The following FRMD4B variants were observed in gnomAD, a reference collection of about 807,000 sequenced individuals.
FRMD4B encodes FERM domain-containing protein 4B.
Under a neutral mutation model 141.5 loss-of-function variants are expected in FRMD4B, and 74 were observed. That is an observed-to-expected ratio of 0.52 (90% CI 0.43 to 0.63). The LOEUF is 0.63. FRMD4B is among the 30% of genes least tolerant of loss of function. The pLI is 0.00. For synonymous variants in FRMD4B, 506 were observed against 467.9 expected (o/e 1.08, Z -1.05); for missense variants, 1,366 against 1,253.4 (o/e 1.09, Z -1.36).
chr3:69,484,213 T>A (rs1706177147), intron 1 of FRMD4B, among the ~76,000 whole-genome samples: 1 of 152,184 alleles, frequency 6.6e-6, no homozygotes. Context: ...AACAGAAGAA[T>A]GATTTAACAG....
At chr3:69,382,096 G>C (rs1704132743) in intron 1 of FRMD4B, among the ~76,000 whole-genome samples, 2 of 152,172 alleles carry the variant, frequency 1.3e-5, no homozygotes, top group African/African-American at 4.8e-5. Context: ...TTGGAGTGCA[G>C]TGGTGTGATC....
intron 1 of FRMD4B, among the ~76,000 whole-genome samples, chr3:69,366,289 A>T (rs1286390313): frequency 6.6e-6 from 1 of 151,336 alleles, no homozygotes; most frequent in East Asian, 1.9e-4. Context: ...AAAAACAAAA[A>T]AAATTGACAA....
At chr3:69,358,606 T>C (rs1703389339) in intron 1 of FRMD4B, among the ~76,000 whole-genome samples, 1 of 152,076 alleles carries the variant, frequency 6.6e-6, no homozygotes, top group South Asian at 2.1e-4. Flanking sequence ...TGTGGTGGCA[T>C]GCGCCTATAG....
At chr3:69,399,648 T>C (rs1704527899) in intron 2 of FRMD4B, among the ~76,000 whole-genome samples, 1 of 152,256 alleles carries the variant, frequency 6.6e-6, no homozygotes, top group African/African-American at 2.4e-5. Flanking sequence ...TTTATATTTG[T>C]GGCTCTTTAA....
chr3:69,323,206 C>T (rs181608857), intron 1 of FRMD4B, among the ~76,000 whole-genome samples: 42 of 152,178 alleles, frequency 2.8e-4, no homozygotes, highest in Non-Finnish European at 5.3e-4. Context: ...AAGAGAAATG[C>T]TAACAAAGAT....
At chr3:69,241,909 A>C (rs942723470) in intron 7 of FRMD4B, among the ~76,000 whole-genome samples, 4 of 151,970 alleles carry the variant, frequency 2.6e-5, no homozygotes, top group South Asian at 2.1e-4. Context: ...AAAAACCCCC[A>C]AAAAACAAAA....
intron 4 of FRMD4B, among the ~76,000 whole-genome samples, chr3:69,291,545 A>C (rs1700875401): frequency 6.6e-6 from 1 of 152,130 alleles, no homozygotes; most frequent in Admixed American, 6.6e-5. Context: ...TGCTTGGGGG[A>C]CACTGGGACA....
intron 1 of FRMD4B, among the ~76,000 whole-genome samples, chr3:69,333,021 G>A (rs1017918938): frequency 2.6e-5 from 4 of 152,060 alleles, no homozygotes; most frequent in African/African-American, 7.2e-5. Flanking sequence ...TTTACAGTGG[G>A]AAGCCTTTCC....
intron 5 of FRMD4B, among the ~76,000 whole-genome samples, chr3:69,282,307 A>C (rs1393116337): frequency 6.6e-6 from 1 of 152,162 alleles, no homozygotes; most frequent in African/African-American, 2.4e-5. Context: ...AGAGGTGTCA[A>C]ACATCTCACT....
chr3:69,214,243 A>G (rs2093116748), intron 11 of FRMD4B, among the ~76,000 whole-genome samples: 1 of 152,212 alleles, frequency 6.6e-6, no homozygotes, highest in Admixed American at 6.5e-5. Context: ...GCTGTTTTAT[A>G]AAGAGATTGG....
chr3:69,366,969 G>C (rs1703682171), intron 1 of FRMD4B, among the ~76,000 whole-genome samples: 1 of 152,028 alleles, frequency 6.6e-6, no homozygotes, highest in Admixed American at 6.6e-5. Flanking sequence ...ATTTTGCCAT[G>C]TTGCCCAGGC....
intron 1 of FRMD4B, among the ~76,000 whole-genome samples, chr3:69,459,635 G>A (rs1705679043): frequency 6.6e-6 from 1 of 152,196 alleles, no homozygotes; most frequent in Admixed American, 6.5e-5. Context: ...TTCACCATTA[G>A]CCATGTGACC....
intron 2 of FRMD4B, among the ~76,000 whole-genome samples, chr3:69,428,545 G>T (rs916904642): frequency 4.6e-5 from 7 of 151,444 alleles, no homozygotes; most frequent in Admixed American, 3.3e-4. Flanking sequence ...TTGTACTTTT[G>T]TTTTAGATCC....
intron 1 of FRMD4B, among the ~76,000 whole-genome samples, chr3:69,496,234 T>C (rs535043908): frequency 7.2e-5 from 11 of 152,320 alleles, no homozygotes; most frequent in Non-Finnish European, 1.2e-4. Flanking sequence ...TTTATGCAAG[T>C]TATTGTGAAT....
chr3:69,348,996 A>C (rs974480778), intron 1 of FRMD4B, among the ~76,000 whole-genome samples: 2 of 152,228 alleles, frequency 1.3e-5, no homozygotes, highest in Non-Finnish European at 2.9e-5. Flanking sequence ...GGAGAAAGAA[A>C]TAAAGGTATT....
rs2093454108 is a variant in FRMD4B, at chr3:69,250,265, G to A, written c.502-166C>T. 3 of 653,428 alleles carry A rather than the reference G, an allele frequency of 4.6e-6. No individual in the cohort carries two copies. In the Admixed American group the frequency reaches 6.8e-5, roughly 15 times the overall value. 40.5% of individuals were successfully genotyped at this position (653,428 alleles called of 1,614,324 possible). On this transcript the variant is annotated intron_variant, in intron 5 of 22. Transcript: ENST00000398540. Reference sequence around the variant, plus strand: ...GGGGGGTGTGGAGAGACTCATTGAGGGTTAAGGCGAAACCACTGTGTGTGC... The same window carrying A: ...GGGGGGTGTGGAGAGACTCATTGAGAGTTAAGGCGAAACCACTGTGTGTGC...
intron 1 of FRMD4B, among the ~76,000 whole-genome samples, chr3:69,315,515 G>T (rs1256877888): frequency 6.6e-6 from 1 of 152,188 alleles, no homozygotes; most frequent in Non-Finnish European, 1.5e-5. Flanking sequence ...ATCCGTGTAT[G>T]TGTGTGTATA....
intron 10 of FRMD4B, among the ~76,000 whole-genome samples, chr3:69,217,155 A>G (rs1346629743): frequency 1.3e-5 from 2 of 152,252 alleles, no homozygotes; most frequent in South Asian, 4.1e-4. Flanking sequence ...GTACAATTCA[A>G]TGACAGGATG....
intron 1 of FRMD4B, among the ~76,000 whole-genome samples, chr3:69,526,040 T>G (rs1357319100): frequency 1.3e-5 from 2 of 152,154 alleles, no homozygotes; most frequent in East Asian, 1.9e-4. Context: ...CAGAGCACAG[T>G]GGCTTGCTTC....
Sources: gnomAD v4.1 joint callset for allele counts (sites outside exome capture counted in the v4.1 genomes callset) on GRCh38, gnomAD v4.1.1 for gene constraint, MANE v1.5 for transcripts, NCBI Gene and HGNC (gene_info 2026-07-23, HGNC 2026-07-21) for gene names.